The following MIPOL1 variants were observed in gnomAD, a reference collection of about 807,000 sequenced individuals.
MIPOL1 encodes the protein mirror-image polydactyly 1.
A neutral mutation model predicts 60.9 loss-of-function variants in MIPOL1; 57 were observed. The ratio of observed to expected loss-of-function variants is 0.94; its 90% confidence interval spans 0.76 to 1.17. The LOEUF (loss-of-function observed/expected upper bound fraction) is 1.17, where lower values mean the gene tolerates loss of function less well. MIPOL1 is among the 50% of genes most tolerant of loss of function. The pLI is 0.00. For missense variants in MIPOL1, 551 were observed against 511.6 expected, an observed-to-expected ratio of 1.08 and a Z score of -0.74; for synonymous variants, 179 against 168.8, an observed-to-expected ratio of 1.06 and a Z score of -0.47.
At chr14:37,430,344 G>A (rs555037310) in intron 11 of MIPOL1, among the ~76,000 whole-genome samples, 2 of 151,780 alleles carry the variant, frequency 1.3e-5, no homozygotes, top group South Asian at 4.2e-4. Context: ...TTTTTATTTA[G>A]TAACATTTAA....
intron 7 of MIPOL1, among the ~76,000 whole-genome samples, chr14:37,306,623 C>T (rs933795985): frequency 6.6e-6 from 1 of 151,758 alleles, no homozygotes; most frequent in Non-Finnish European, 1.5e-5. Flanking sequence ...CCTTAGAAAT[C>T]GTATTTAGCC....
intron 10 of MIPOL1, among the ~76,000 whole-genome samples, chr14:37,378,566 T>C (rs139762271): frequency 3.3e-5 from 5 of 151,344 alleles, no homozygotes; most frequent in African/African-American, 1.2e-4. Flanking sequence ...TATAGTGATG[T>C]AACCATTCTG....
At chr14:37,320,347 G>A (rs915464455) in intron 9 of MIPOL1, among the ~76,000 whole-genome samples, 1 of 151,986 alleles carries the variant, frequency 6.6e-6, no homozygotes, top group Non-Finnish European at 1.5e-5. Context: ...ATTCTGATGG[G>A]TGTATAGTCA....
chr14:37,372,697 G>C (rs2092672803), intron 10 of MIPOL1, among the ~76,000 whole-genome samples: 1 of 151,048 alleles, frequency 6.6e-6, no homozygotes, highest in Non-Finnish European at 1.5e-5. Flanking sequence ...AGAGGTTGCA[G>C]TGAGCAGAGA....
At chr14:37,525,842 G>C (rs2095442876) in intron 12 of MIPOL1, among the ~76,000 whole-genome samples, 1 of 152,148 alleles carries the variant, frequency 6.6e-6, no homozygotes, top group Non-Finnish European at 1.5e-5. Flanking sequence ...AAGAAAAGTT[G>C]GACCTGATAA....
At chr14:37,277,845 T>C (rs976991117) in intron 6 of MIPOL1, 18 of 151,446 alleles carry the variant, frequency 1.2e-4, no homozygotes, top group African/African-American at 4.1e-4. Context: ...ATATAGCCAA[T>C]AGTTGGAAAT....
At chr14:37,303,142 A>C (rs954766075) in intron 7 of MIPOL1, among the ~76,000 whole-genome samples, 3 of 151,932 alleles carry the variant, frequency 2.0e-5, no homozygotes, top group Admixed American at 1.3e-4. Flanking sequence ...AAAAGACAAC[A>C]AATCAATTTT....
At chr14:37,476,962 G>A (rs571772141) in intron 11 of MIPOL1, among the ~76,000 whole-genome samples, 30 of 142,738 alleles carry the variant, frequency 2.1e-4, no homozygotes, top group African/African-American at 7.2e-4. Flanking sequence ...GTGCAGTGGC[G>A]TGATCTCAGC....
chr14:37,296,277 C>A (rs1356058208), intron 7 of MIPOL1, among the ~76,000 whole-genome samples: 2 of 152,072 alleles, frequency 1.3e-5, no homozygotes, highest in Non-Finnish European at 2.9e-5. Context: ...AAACAACATA[C>A]CAGAATCTCT....
intron 10 of MIPOL1, among the ~76,000 whole-genome samples, chr14:37,383,503 A>C (rs1389230970): frequency 1.3e-5 from 2 of 151,836 alleles, no homozygotes; most frequent in Non-Finnish European, 2.9e-5. Context: ...ACATTTGTCC[A>C]TTGTGTTTTT....
At chr14:37,538,123 C>T (rs1488829659) in intron 12 of MIPOL1, among the ~76,000 whole-genome samples, 1 of 152,190 alleles carries the variant, frequency 6.6e-6, no homozygotes, top group Non-Finnish European at 1.5e-5. Flanking sequence ...CTCTGACAGC[C>T]AAACCAGTCC....
At chr14:37,485,319 A>C (rs914582515) in intron 11 of MIPOL1, among the ~76,000 whole-genome samples, 1 of 152,168 alleles carries the variant, frequency 6.6e-6, no homozygotes, top group Non-Finnish European at 1.5e-5. Context: ...TTATACTGGA[A>C]TGATTTATAA....
rs1165672390 is a variant in MIPOL1, at chr14:37,268,658, C to G, written c.252C>G (p.Asn84Lys). The G allele has an allele frequency of 1.3e-6, 2 of 1,573,884 alleles. No homozygotes were observed. The highest frequency in any genetic ancestry group is 1.2e-5 in the South Asian group (1 of 84,206). ...ATGTTAATCAGTTTCTTTATTACAG[C>G]GTTATGGAACATAGACATAATGATA... is the stretch of plus-strand genomic sequence containing the variant. ...ESVYCTTEKYNVMEHRHNDMH... is the reference protein window; with the variant it reads ...ESVYCTTEKYKVMEHRHNDMH... Residue 84 changes from asparagine to lysine, a missense_variant and splice_region_variant, in exon 5 of 13, where the codon AAC (asparagine) becomes AAG (lysine). Coordinates refer to ENST00000684589, the MANE Select transcript of MIPOL1 (RefSeq NM_001388067.1).
chr14:37,390,287 TA>T (rs1267554837), intron 10 of MIPOL1, among the ~76,000 whole-genome samples: 1 of 151,998 alleles, frequency 6.6e-6, no homozygotes, highest in Non-Finnish European at 1.5e-5. Flanking sequence ...AGTTCTTAAT[TA>T]AAATGATCAG....
At chr14:37,281,927 T>C (rs960700575) in intron 6 of MIPOL1, among the ~76,000 whole-genome samples, 1 of 152,210 alleles carries the variant, frequency 6.6e-6, no homozygotes, top group Non-Finnish European at 1.5e-5. Context: ...ATTCTTATCA[T>C]TTATAAATTC....
chr14:37,304,117 G>A (rs192022130), intron 7 of MIPOL1, among the ~76,000 whole-genome samples: 2 of 151,590 alleles, frequency 1.3e-5, no homozygotes, highest in African/African-American at 4.8e-5. Flanking sequence ...GTATATTTGG[G>A]GGCATCGAGT....
intron 9 of MIPOL1, among the ~76,000 whole-genome samples, chr14:37,366,309 T>G (rs2092468679): frequency 6.6e-6 from 1 of 152,036 alleles, no homozygotes; most frequent in Admixed American, 6.6e-5. Context: ...ACTTCCCTCT[T>G]AGTACTACTT....
intron 3 of MIPOL1, among the ~76,000 whole-genome samples, chr14:37,259,262 G>A (rs1412903607): frequency 2.6e-5 from 4 of 151,964 alleles, no homozygotes; most frequent in Non-Finnish European, 5.9e-5. Flanking sequence ...ACCTTATTAA[G>A]AATTACATAT....
intron 3 of MIPOL1, among the ~76,000 whole-genome samples, chr14:37,264,932 T>C (rs1202140108): frequency 1.3e-5 from 2 of 152,190 alleles, no homozygotes; most frequent in Admixed American, 1.3e-4. Context: ...GGTGGTACTT[T>C]CAGCACTTTG....
Sources: allele counts gnomAD v4.1 joint callset (sites outside exome capture counted in the v4.1 genomes callset), GRCh38; gene constraint gnomAD v4.1.1; transcripts MANE v1.5; gene names NCBI Gene and HGNC (gene_info 2026-07-23, HGNC 2026-07-21).